The following MAD1L1 variants were observed in gnomAD, a reference collection of about 807,000 sequenced individuals.
MAD1L1 encodes mitotic spindle assembly checkpoint protein MAD1.
Under a neutral mutation model 96.9 loss-of-function variants are expected in MAD1L1, and 95 were observed. The ratio of observed to expected loss-of-function variants is 0.98; its 90% CI spans 0.83 to 1.16. The LOEUF is 1.16. Ranked by LOEUF, MAD1L1 falls within the 50% of genes most tolerant of loss-of-function variation. The pLI is 0.00. For missense variants in MAD1L1, 1,007 were observed against 954.4 expected (o/e 1.06, Z -0.73); for synonymous variants, 473 against 396.6 (o/e 1.19, Z -2.29).
intron 11 of MAD1L1, among the ~76,000 whole-genome samples, chr7:2,129,860 C>T (rs1317764096): frequency 6.6e-6 from 1 of 152,208 alleles, no homozygotes; most frequent in Non-Finnish European, 1.5e-5. Flanking sequence ...CGGAGGGGCA[C>T]ACAGGCAGGC....
At chr7:1,952,417 G>A (rs575368409) in intron 16 of MAD1L1, among the ~76,000 whole-genome samples, 41 of 152,338 alleles carry the variant, frequency 2.7e-4, no homozygotes, top group South Asian at 6.2e-4. Context: ...GTGGGTCCCT[G>A]GGGCCCCGTG....
chr7:2,198,098 TTTGG>T (rs1792088524), intron 10 of MAD1L1, among the ~76,000 whole-genome samples: 1 of 151,930 alleles, frequency 6.6e-6, no homozygotes, highest in East Asian at 1.9e-4. Context: ...TTTTTTTTTT[TTTGG>T]AGGAAGGGTT....
chr7:2,010,368 C>T (rs1325628692), intron 13 of MAD1L1, among the ~76,000 whole-genome samples: 1 of 152,178 alleles, frequency 6.6e-6, no homozygotes, highest in East Asian at 1.9e-4. Flanking sequence ...TTCAGAGTCC[C>T]TGCAACCTGA....
intron 10 of MAD1L1, among the ~76,000 whole-genome samples, chr7:2,196,099 C>T (rs1791971751): frequency 6.6e-6 from 1 of 152,242 alleles, no homozygotes; most frequent in Non-Finnish European, 1.5e-5. Flanking sequence ...ATCAGCCAAG[C>T]ATTCCGGCAA....
intron 17 of MAD1L1, among the ~76,000 whole-genome samples, chr7:1,925,990 T>C (rs946092979): frequency 6.6e-6 from 1 of 151,556 alleles, no homozygotes; most frequent in African/African-American, 2.4e-5. Context: ...ATCAGTGAAA[T>C]TTATACATCT....
intron 10 of MAD1L1, among the ~76,000 whole-genome samples, chr7:2,179,445 TTGAA>T (rs1286496464): frequency 6.7e-6 from 1 of 150,030 alleles, no homozygotes. Context: ...GGAGAATCAC[TTGAA>T]CCCGGGAGGT....
At chr7:2,050,641 CTG>C (rs1425829566) in intron 12 of MAD1L1, among the ~76,000 whole-genome samples, 18 of 151,718 alleles carry the variant, frequency 1.2e-4, no homozygotes, top group Non-Finnish European at 2.1e-4. Context: ...CCCACCCAGA[CTG>C]TGGTGCAGGG....
At chr7:1,938,779 C>G (rs1236790222) in intron 16 of MAD1L1, among the ~76,000 whole-genome samples, 1 of 133,756 alleles carries the variant, frequency 7.5e-6, no homozygotes, top group Non-Finnish European at 1.6e-5. Flanking sequence ...CGCACGCACA[C>G]AGAGACCAGG....
In MAD1L1 at chr7:2,095,863, CA is replaced by C. The variant is rs200297721; in HGVS notation, c.1074-26526del. Among the ~76,000 whole-genome samples the C allele has an allele frequency of 3.8e-3, 576 of 152,358 alleles. 3 individuals are homozygous for C. Among genetic ancestry groups the C allele is most frequent in the Middle Eastern group, 0.014 (4 of 294 alleles). The stretch of plus-strand genomic sequence containing the variant: ...GAGTGCATCCACGCACACTTGCCGG[CA>C]GCCCTAGGGTGGGTGGGGGTGCCTG... On this transcript the variant is annotated intron_variant, in intron 11 of 18. Transcript: ENST00000265854.
At chr7:1,988,859 C>T (rs1045465428) in intron 14 of MAD1L1, among the ~76,000 whole-genome samples, 32 of 152,346 alleles carry the variant, frequency 2.1e-4, no homozygotes, top group South Asian at 8.3e-4. Flanking sequence ...CACCAGGCTG[C>T]AGGAGGCAGG....
intron 12 of MAD1L1, among the ~76,000 whole-genome samples, chr7:2,016,954 C>G (rs143672786): frequency 2.0e-5 from 3 of 152,234 alleles, no homozygotes; most frequent in Admixed American, 1.3e-4. Context: ...CGCGCAAGGC[C>G]GGGGCGGGGG....
At chr7:2,220,745 C>T (rs1002039853) in intron 5 of MAD1L1, 1 of 961,906 alleles carries the variant, frequency 1.0e-6, no homozygotes, top group Non-Finnish European at 1.5e-6. Context: ...GTGCTCCCCA[C>T]ATGCCCACAA....
At chr7:1,963,931 C>T (rs1325584849) in intron 15 of MAD1L1, among the ~76,000 whole-genome samples, 2 of 152,240 alleles carry the variant, frequency 1.3e-5, no homozygotes, top group African/African-American at 4.8e-5. Context: ...CCGGCACCAG[C>T]TGATGCCTCC....
intron 13 of MAD1L1, among the ~76,000 whole-genome samples, chr7:2,006,553 G>C (rs13246996): frequency 0.34 from 51,077 of 151,432 alleles, 8,703 homozygotes; most frequent in Middle Eastern, 0.39. Context: ...CCCAGCACAG[G>C]AGAGACGGGA....
At chr7:1,854,517 G>A (rs2128643051) in intron 18 of MAD1L1, 1 of 383,170 alleles carries the variant, frequency 2.6e-6, no homozygotes. Context: ...CTGTCACACG[G>A]GGGAAGGGGC....
chr7:2,084,233 T>G (rs1785795618), intron 11 of MAD1L1, among the ~76,000 whole-genome samples: 1 of 152,200 alleles, frequency 6.6e-6, no homozygotes, highest in East Asian at 1.9e-4. Context: ...AAAGCTCTGC[T>G]GTGCTGGTGA....
At position 2,041,906 on chromosome 7, in the gene MAD1L1, C is replaced by G. The variant is rs776317965; in HGVS notation, c.1219-27264G>C. Among the ~76,000 whole-genome samples, 10 of 152,292 alleles carry G rather than the reference C, an allele frequency of 6.6e-5. No individual in the cohort carries two copies. In the East Asian group the frequency reaches 1.9e-3, roughly 29 times the overall value. The stretch of plus-strand genomic sequence containing the variant: ...CCTGGCCACGCTGCACCCAGCTCCC[C>G]GCAGCACCTCCTGCTCTGTTCCAGA... On this transcript the variant is annotated intron_variant, in intron 12 of 18. Transcript: ENST00000265854.
chr7:1,911,647 C>T lies in MAD1L1; in HGVS notation c.1808-13257G>A, dbSNP rs1052636250. On this transcript the variant is annotated intron_variant, in intron 17 of 18. Coordinates refer to ENST00000265854, the MANE Select transcript of MAD1L1 (RefSeq NM_001013836.2). Reference sequence around the variant, plus strand: ...CCGGCGTCACCTCCAGATGAGGCCCCTCTTGGGCATCCCAACCCTCTCCAG... The same window carrying T: ...CCGGCGTCACCTCCAGATGAGGCCCTTCTTGGGCATCCCAACCCTCTCCAG... Among the ~76,000 whole-genome samples, 6 of 152,246 alleles carry T rather than the reference C, an allele frequency of 3.9e-5. No individual in the cohort carries two copies. The East Asian group carries it at 1.2e-3, about 29-fold the overall frequency.
chr7:1,939,298 G>A (rs1226894142), intron 16 of MAD1L1, among the ~76,000 whole-genome samples: 5 of 148,192 alleles, frequency 3.4e-5, no homozygotes, highest in East Asian at 2.0e-4. Flanking sequence ...CGGGGCCAGC[G>A]GTGCACGCAC....
Sources: gnomAD v4.1 joint callset for allele counts (sites outside exome capture counted in the v4.1 genomes callset) on GRCh38, gnomAD v4.1.1 for gene constraint, MANE v1.5 for transcripts, NCBI Gene and HGNC (gene_info 2026-07-23, HGNC 2026-07-21) for gene names.